Variants in MGMT observed in about 807,000 individuals in gnomAD.
The protein encoded by MGMT is methylated-DNA--protein-cysteine methyltransferase.
A neutral mutation model predicts 15.9 loss-of-function variants in MGMT; 14 were observed. The observed-to-expected ratio is 0.88, with a 90% CI of 0.58 to 1.37. The LOEUF is 1.37. Among genes scored for constraint, MGMT ranks in the 40% most tolerant of loss-of-function variants. MGMT has a pLI of 0.00. For missense variants in MGMT, 282 were observed against 268.1 expected (o/e 1.05, Z -0.36); for synonymous variants, 130 against 118.2 (o/e 1.10, Z -0.65).
rs1227706324 is a variant in MGMT, at chr10:129,770,311, G to T, written c.*3314G>T. Among the ~76,000 whole-genome samples the T allele has an allele frequency of 3.3e-5, 5 of 152,238 alleles. No homozygotes were observed. The highest frequency in any genetic ancestry group is 5.9e-5 in the Non-Finnish European group (4 of 68,048). ...GAATTGCTGAGAAACGTAAGAGGTG[G>T]TGTGACCCGCTGGAGCCCTGTGGAG... On this transcript the variant is annotated 3_prime_UTR_variant, in exon 5 of 5. Transcript: ENST00000651593.
chr10:129,534,055 A>G (rs928625891), intron 1 of MGMT, among the ~76,000 whole-genome samples: 1 of 152,166 alleles, frequency 6.6e-6, no homozygotes, highest in African/African-American at 2.4e-5. Context: ...TGGTCTTTGC[A>G]TACGTTCCCT....
At chr10:129,618,639 T>A (rs775937208) in intron 2 of MGMT, among the ~76,000 whole-genome samples, 4 of 152,084 alleles carry the variant, frequency 2.6e-5, no homozygotes, top group Non-Finnish European at 5.9e-5. Flanking sequence ...AGCTCCATAT[T>A]TGTTTTCTTT....
intron 2 of MGMT, among the ~76,000 whole-genome samples, chr10:129,545,069 C>A (rs7084865): frequency 1.3e-5 from 2 of 152,078 alleles, no homozygotes; most frequent in East Asian, 3.9e-4. Flanking sequence ...TCCTTGGGAC[C>A]CCTCTGTGAA....
chr10:129,514,998 G>A (rs948198416), intron 1 of MGMT, among the ~76,000 whole-genome samples: 5 of 152,162 alleles, frequency 3.3e-5, no homozygotes, highest in African/African-American at 7.2e-5. Flanking sequence ...GTCAGGTATT[G>A]GGGGTCATTG....
At chr10:129,471,712 C>T (rs1346814489) in intron 1 of MGMT, among the ~76,000 whole-genome samples, 1 of 152,130 alleles carries the variant, frequency 6.6e-6, no homozygotes, top group African/African-American at 2.4e-5. Flanking sequence ...CCTACAGGAC[C>T]AGAACCTGGG....
In MGMT at chr10:129,770,378, G is replaced by T. The variant is rs1432115805; in HGVS notation, c.*3381G>T. Reference sequence around the variant, plus strand: ...GTAGCTGGTCAGTGAGATTCTCGCAGCAATGTGAGGCATCCTCCTCACAGA... The same window carrying T: ...GTAGCTGGTCAGTGAGATTCTCGCATCAATGTGAGGCATCCTCCTCACAGA... On this transcript the variant is annotated 3_prime_UTR_variant, in exon 5 of 5. Transcript: ENST00000651593. Among the ~76,000 whole-genome samples, 1 of 152,228 alleles carries T rather than the reference G, an allele frequency of 6.6e-6. No individual in the cohort carries two copies. The highest frequency in any genetic ancestry group is 1.5e-5 in the Non-Finnish European group (1 of 68,044).
At chr10:129,518,262 C>T (rs76317679) in intron 1 of MGMT, among the ~76,000 whole-genome samples, 33,407 of 151,340 alleles carry the variant, frequency 0.22, 4,277 homozygotes, top group Non-Finnish European at 0.28. Context: ...CCTTAATTCA[C>T]GAAATATGTG....
Position 129,659,611 on chromosome 10 carries a change from G to GA in MGMT, c.126-48283dup, listed in dbSNP as rs1310426198. On this transcript the variant is annotated intron_variant, in intron 2 of 4. Coordinates refer to ENST00000651593, the MANE Select transcript of MGMT (RefSeq NM_002412.5). This position sits in a 1 kb window ranked among gnomAD's most constrained non-coding sequence, Gnocchi z 4.1. ...GATGAGTTAGTGCAAATTGAGGGGT[G>GA]AGGAAGTAGCATGTACAAAGGCCCT... is the stretch of plus-strand genomic sequence containing the variant. Among the ~76,000 whole-genome samples the GA allele has an allele frequency of 6.6e-6, 1 of 152,182 alleles. No individual in the cohort carries two copies. Among genetic ancestry groups the GA allele is most frequent in the Non-Finnish European group, 1.5e-5 (1 of 68,040 alleles).
chr10:129,760,245 G>A (rs570832461), intron 4 of MGMT, among the ~76,000 whole-genome samples: 22 of 152,352 alleles, frequency 1.4e-4, no homozygotes, highest in African/African-American at 5.0e-4. Context: ...AAGGCCACAC[G>A]TGCCTGTGTG....
intron 1 of MGMT, among the ~76,000 whole-genome samples, chr10:129,528,111 T>A (rs1191089663): frequency 6.6e-6 from 1 of 152,182 alleles, no homozygotes; most frequent in Non-Finnish European, 1.5e-5. Context: ...ATGATTCATA[T>A]AATTAGATAT....
At chr10:129,729,004 G>A (rs1396344900) in intron 3 of MGMT, among the ~76,000 whole-genome samples, 1 of 152,138 alleles carries the variant, frequency 6.6e-6, no homozygotes, top group Non-Finnish European at 1.5e-5. Flanking sequence ...GAAGACATCA[G>A]GCTCTTTCTC....
intron 1 of MGMT, among the ~76,000 whole-genome samples, chr10:129,485,212 C>G (rs1265656063): frequency 6.6e-6 from 1 of 152,196 alleles, no homozygotes; most frequent in East Asian, 1.9e-4. Context: ...AGGGACTCTT[C>G]TGGAGATGCC....
intron 1 of MGMT, among the ~76,000 whole-genome samples, chr10:129,521,739 C>G (rs1403054409): frequency 6.6e-6 from 1 of 152,182 alleles, no homozygotes; most frequent in African/African-American, 2.4e-5. Flanking sequence ...GAAGTGTGTG[C>G]TGTCCACCCC....
At chr10:129,757,365 G>A (rs762045270) in intron 3 of MGMT, among the ~76,000 whole-genome samples, 8 of 152,186 alleles carry the variant, frequency 5.3e-5, no homozygotes, top group African/African-American at 9.7e-5. Context: ...ATTGTTTCTC[G>A]GAACTGCTCT....
intron 1 of MGMT, among the ~76,000 whole-genome samples, chr10:129,526,141 A>C (rs773173022): frequency 6.6e-6 from 1 of 152,166 alleles, no homozygotes; most frequent in Admixed American, 6.5e-5. Context: ...GTGGCCCTTT[A>C]TACTTGGTGA....
At chr10:129,549,686 A>G (rs1457040330) in intron 2 of MGMT, among the ~76,000 whole-genome samples, 1 of 152,190 alleles carries the variant, frequency 6.6e-6, no homozygotes, top group Non-Finnish European at 1.5e-5. Context: ...CTGGTTAAGC[A>G]GTCTAGAGAT....
intron 2 of MGMT, among the ~76,000 whole-genome samples, chr10:129,540,371 C>T (rs941120239): frequency 5.0e-4 from 76 of 152,108 alleles, no homozygotes; most frequent in Non-Finnish European, 7.6e-4. Flanking sequence ...GCTTTAATTT[C>T]TTCTATTGAG....
intron 2 of MGMT, among the ~76,000 whole-genome samples, chr10:129,638,081 C>T (rs1248294574): frequency 6.6e-6 from 1 of 152,144 alleles, no homozygotes; most frequent in Non-Finnish European, 1.5e-5. Flanking sequence ...GGTGCTGGCT[C>T]ATGCTGAAGG....
Position 129,751,897 on chromosome 10 carries a change from A to G in MGMT, c.275-7305A>G, listed in dbSNP as rs559430922. Among the ~76,000 whole-genome samples, 18 of 152,096 alleles carry G rather than the reference A, an allele frequency of 1.2e-4. 1 individual carries two copies. The East Asian group carries it at 2.9e-3, about 24-fold the overall frequency. On this transcript the variant is annotated intron_variant, in intron 3 of 4. Coordinates refer to ENST00000651593, the MANE Select transcript of MGMT (RefSeq NM_002412.5). ...ACTTATATGATTGCAGTCATTTTGCATGTGTTAAGGTTTATGGCCCAGAAG... is the reference window on the plus strand; with the variant it reads ...ACTTATATGATTGCAGTCATTTTGCGTGTGTTAAGGTTTATGGCCCAGAAG...
Sources: allele counts gnomAD v4.1 joint callset (sites outside exome capture counted in the v4.1 genomes callset), GRCh38; gene constraint gnomAD v4.1.1; non-coding constraint Gnocchi (gnomAD v3.1); transcripts MANE v1.5; gene names NCBI Gene and HGNC (gene_info 2026-07-23, HGNC 2026-07-21).